Variants in CACNA1C observed in about 807,000 individuals in gnomAD.
The protein encoded by CACNA1C is calcium voltage-gated channel subunit alpha1 C, also known as voltage-dependent L-type calcium channel subunit alpha-1C.
Under a neutral mutation model 229.0 loss-of-function variants are expected in CACNA1C, and 30 were observed. The ratio of observed to expected loss-of-function variants is 0.13; its 90% CI spans 0.10 to 0.18. The LOEUF (loss-of-function observed/expected upper bound fraction) is 0.18, where lower values mean the gene tolerates loss of function less well. Among genes scored for constraint, CACNA1C ranks in the 10% least tolerant of loss-of-function variants. The pLI, the probability that CACNA1C is intolerant of heterozygous loss-of-function variation, is 1.00. For missense variants in CACNA1C, 1,658 were observed against 2,845.0 expected (o/e 0.58, Z 9.49); for synonymous variants, 1,114 against 1,132.5 (o/e 0.98, Z 0.33).
intron 3 of CACNA1C, among the ~76,000 whole-genome samples, chr12:2,244,870 A>G (rs78833529): frequency 0.046 from 6,959 of 152,330 alleles, 187 homozygotes; most frequent in Middle Eastern, 0.071. Context: ...GATACTGGGC[A>G]GGGGAAGACT....
chr12:2,201,749 G>C (rs181269431), intron 3 of CACNA1C, among the ~76,000 whole-genome samples: 1 of 152,192 alleles, frequency 6.6e-6, no homozygotes, highest in East Asian at 1.9e-4. Flanking sequence ...ACAGGAAAGC[G>C]TGTCTTCCTT....
chr12:1,981,484 A>T (rs1157109759), intron 1 of CACNA1C, among the ~76,000 whole-genome samples: 1 of 152,224 alleles, frequency 6.6e-6, no homozygotes. Context: ...AGAAGCCAGG[A>T]CAAAATATTA....
chr12:2,271,784 T>C (rs1197216313), intron 3 of CACNA1C, among the ~76,000 whole-genome samples: 2 of 151,670 alleles, frequency 1.3e-5, no homozygotes, highest in Non-Finnish European at 2.9e-5. Flanking sequence ...TAGTCCCAGC[T>C]ACTTGGGAGG....
Position 2,118,786 on chromosome 12 carries a change from G to T in CACNA1C, c.372-1539G>T, listed in dbSNP as rs115313961. Among the ~76,000 whole-genome samples, 576 of 152,296 alleles carry T rather than the reference G, an allele frequency of 3.8e-3. 4 individuals carry two copies. Among genetic ancestry groups the T allele is most frequent in the African/African-American group, 0.013 (543 of 41,562 alleles). On this transcript the variant is annotated intron_variant, in intron 2 of 46. Transcript: ENST00000399655. ...GAATGTAAAAGCTTAGTCCGTCTGG[G>T]TTCCGGTCCAGGCTCTGCTATATGC...
At chr12:2,286,624 C>T (rs967860391) in intron 3 of CACNA1C, among the ~76,000 whole-genome samples, 8 of 152,010 alleles carry the variant, frequency 5.3e-5, no homozygotes, top group Non-Finnish European at 8.8e-5. Flanking sequence ...GATGGTGTGC[C>T]GGACACAGGG....
At chr12:2,387,923 A>T (rs1239390549) in intron 3 of CACNA1C, among the ~76,000 whole-genome samples, 1 of 152,174 alleles carries the variant, frequency 6.6e-6, no homozygotes. Context: ...GAGCCCCCTT[A>T]CCAGATCTGT....
intron 4 of CACNA1C, among the ~76,000 whole-genome samples, chr12:2,455,871 C>T (rs907049272): frequency 6.6e-6 from 1 of 152,170 alleles, no homozygotes; most frequent in African/African-American, 2.4e-5. Context: ...CCTCTCTTGA[C>T]CCCTCAATGT....
chr12:2,565,239 C>T (rs941480811), intron 11 of CACNA1C, among the ~76,000 whole-genome samples: 12 of 151,740 alleles, frequency 7.9e-5, no homozygotes, highest in Non-Finnish European at 1.6e-4. Flanking sequence ...GAGGCCGAGG[C>T]GGGTGGATCA....
At chr12:2,383,561 G>A (rs143993245) in intron 3 of CACNA1C, among the ~76,000 whole-genome samples, 1 of 152,306 alleles carries the variant, frequency 6.6e-6, no homozygotes, top group East Asian at 1.9e-4. Context: ...GCGATCCAAT[G>A]AGACAGCAGA....
At chr12:2,100,605 A>T (rs947960925) in intron 1 of CACNA1C, among the ~76,000 whole-genome samples, 3 of 149,920 alleles carry the variant, frequency 2.0e-5, no homozygotes, top group East Asian at 3.9e-4. Context: ...AAAAAAAAAA[A>T]AATTAGCTGG....
chr12:2,071,140 T>C (rs1012185637), intron 1 of CACNA1C, among the ~76,000 whole-genome samples: 5 of 2,054 alleles, frequency 2.4e-3, no homozygotes, highest in Admixed American at 5.2e-3. Flanking sequence ...CGCTTCCCCC[T>C]CCTCCCTCCC....
At chr12:2,097,258 G>A (rs1191039226) in intron 1 of CACNA1C, among the ~76,000 whole-genome samples, 9 of 152,058 alleles carry the variant, frequency 5.9e-5, no homozygotes, top group African/African-American at 2.2e-4. Flanking sequence ...CCATTCTCCT[G>A]CCTCAGCCTC....
rs187022814 is a variant in CACNA1C, at chr12:2,668,157, G to A, written c.4624-776G>A. On this transcript the variant is annotated intron_variant, in intron 37 of 46. Transcript: ENST00000399655. ...CTGGGCTGTGGACGAATGCTGCCTG[G>A]CAGGTGGGCTCCCAGCACATGCTGG... 2.4e-3 allele frequency among the ~76,000 whole-genome samples: 359 copies of A among 152,278 alleles called. 4 individuals carry two copies. The highest frequency in any genetic ancestry group is 8.4e-3 in the African/African-American group (350 of 41,558).
chr12:2,427,748 A>G (rs926403459), intron 3 of CACNA1C, among the ~76,000 whole-genome samples: 1 of 152,026 alleles, frequency 6.6e-6, no homozygotes, highest in Non-Finnish European at 1.5e-5. Flanking sequence ...CAGCCTCCCA[A>G]GTAGCTGGAA....
chr12:2,212,196 T>A (rs2097942729), intron 3 of CACNA1C, among the ~76,000 whole-genome samples: 1 of 152,220 alleles, frequency 6.6e-6, no homozygotes, highest in African/African-American at 2.4e-5. Flanking sequence ...GAATTTTGTT[T>A]CCTAAATGTG....
At position 2,597,184 on chromosome 12, in the gene CACNA1C, C is replaced by T. The variant is rs1379719342; in HGVS notation, c.2794-46C>T. 1.6e-6 allele frequency: 2 copies of T among 1,261,668 alleles called. No homozygotes were observed. Among genetic ancestry groups the T allele is most frequent in the Admixed American group, 1.7e-5 (1 of 58,054 alleles). 78.2% of individuals were successfully genotyped at this position (1,261,668 alleles called of 1,614,324 possible). A position where few individuals can be genotyped will look rare whatever the true frequency, so the allele number is the denominator to read the frequency against. On this transcript the variant is annotated intron_variant, in intron 20 of 46. Transcript: ENST00000399655. The surrounding 1 kb of genome is among the most constrained non-coding windows in gnomAD (Gnocchi z 4.3). ...TGACCTCTCTTCCCGTCCTGCTTTT[C>T]TCCCTTCCCCATCCCATCCCCACCC... is the stretch of plus-strand genomic sequence containing the variant.
chr12:2,406,146 C>T (rs1480390911), intron 3 of CACNA1C, among the ~76,000 whole-genome samples: 1 of 152,160 alleles, frequency 6.6e-6, no homozygotes, highest in African/African-American at 2.4e-5. Flanking sequence ...ATTTTCCCCC[C>T]TGGGCAAGGT....
chr12:2,400,900 C>G (rs1394336116), intron 3 of CACNA1C, among the ~76,000 whole-genome samples: 2 of 152,180 alleles, frequency 1.3e-5, no homozygotes, highest in East Asian at 3.8e-4. Context: ...ATACTTGATG[C>G]TTCAGTGGCA....
intron 3 of CACNA1C, among the ~76,000 whole-genome samples, chr12:2,318,206 G>A (rs1341163247): frequency 6.6e-6 from 1 of 152,206 alleles, no homozygotes; most frequent in African/African-American, 2.4e-5. Flanking sequence ...TGATCTTTGC[G>A]CCCCTTGGCC....
Sources: allele counts gnomAD v4.1 joint callset (sites outside exome capture counted in the v4.1 genomes callset), GRCh38; gene constraint gnomAD v4.1.1; non-coding constraint Gnocchi (gnomAD v3.1); transcripts MANE v1.5; gene names NCBI Gene and HGNC (gene_info 2026-07-23, HGNC 2026-07-21).